VPS13A: variants seen among roughly 807,000 people sequenced by gnomAD.
The protein encoded by VPS13A is intermembrane lipid transfer protein VPS13A.
VPS13A carries 264 observed loss-of-function variants against 390.9 expected under a neutral mutation model. That is an observed-to-expected ratio of 0.68 (90% CI 0.61 to 0.75). The LOEUF is 0.75. VPS13A is among the 30% of genes least tolerant of loss of function. The pLI is 0.00. For missense variants in VPS13A, 3,409 were observed against 3,733.9 expected (o/e 0.91, Z 2.27); for synonymous variants, 1,231 against 1,227.1 (o/e 1.00, Z -0.07).
At chr9:77,254,890 G>T (rs1825350377) in intron 22 of VPS13A, among the ~76,000 whole-genome samples, 1 of 152,144 alleles carries the variant, frequency 6.6e-6, no homozygotes, top group Non-Finnish European at 1.5e-5. Flanking sequence ...GGATTCTAAA[G>T]TTCTAACAGA....
At chr9:77,178,807 G>C (rs1247594205) in intron 1 of VPS13A, among the ~76,000 whole-genome samples, 12 of 152,188 alleles carry the variant, frequency 7.9e-5, no homozygotes, top group Admixed American at 7.9e-4. Context: ...AATTTTGTGT[G>C]TGAAGTGTGT....
intron 13 of VPS13A, 138 bp downstream of exon 13, chr9:77,221,494 C>G (rs1187330708): frequency 1.2e-6 from 1 of 863,368 alleles, no homozygotes; most frequent in East Asian, 2.7e-5. Flanking sequence ...TTTTGTGCTT[C>G]TGTTCTTAAC....
intron 68 of VPS13A, among the ~76,000 whole-genome samples, chr9:77,394,771 AC>A (rs1458112818): frequency 1.3e-5 from 2 of 152,224 alleles, no homozygotes; most frequent in African/African-American, 2.4e-5. Context: ...CTGCATCAGC[AC>A]TTGCCCCTTC....
At chr9:77,361,155 C>G (rs1023346804) in intron 59 of VPS13A, among the ~76,000 whole-genome samples, 23 of 152,000 alleles carry the variant, frequency 1.5e-4, no homozygotes, top group African/African-American at 5.3e-4. Context: ...TACATTTCAC[C>G]CATTTAAAAG....
At chr9:77,243,665 T>C (rs886346591) in intron 19 of VPS13A, among the ~76,000 whole-genome samples, 2 of 152,204 alleles carry the variant, frequency 1.3e-5, no homozygotes, top group Non-Finnish European at 2.9e-5. Flanking sequence ...TTTAAATATA[T>C]ATCAAGAGCC....
chr9:77,349,804 C>T (rs945719915), intron 52 of VPS13A, among the ~76,000 whole-genome samples: 18 of 151,898 alleles, frequency 1.2e-4, no homozygotes, highest in African/African-American at 4.1e-4. Flanking sequence ...CCACTATGCC[C>T]GGCTAATTTT....
At position 77,318,289 on chromosome 9, in the gene VPS13A, A is replaced by G; in HGVS notation, c.5011A>G (p.Thr1671Ala). ...MITITSALYTTKETIPEETAS... is the reference protein window; with the variant it reads ...MITITSALYTAKETIPEETAS... ...TACCATAACTTCAGCACTGTATACAACTAAGGAAACCATCCCAGAAGAAAC... is the reference window on the plus strand; with the variant it reads ...TACCATAACTTCAGCACTGTATACAGCTAAGGAAACCATCCCAGAAGAAAC... Residue 1671 changes from threonine (T) to alanine (A), a missense_variant, in exon 41 of 72, where the codon ACT becomes GCT. This residue lies in a region of VPS13A where 2,717 missense variants were observed against 2,917.4 expected (regional missense o/e 0.93). Transcript: ENST00000360280. 1 of 1,609,656 alleles carries G rather than the reference A, an allele frequency of 6.2e-7. No individual in the cohort carries two copies. Among genetic ancestry groups the G allele is most frequent in the East Asian group, 2.2e-5 (1 of 44,834 alleles).
At chr9:77,220,200 A>G in intron 11 of VPS13A, 77 bp from the exon 12 acceptor site, 2 of 1,514,156 alleles carry the variant, frequency 1.3e-6, no homozygotes, top group South Asian at 2.4e-5. Context: ...CTAAAAAGTC[A>G]GTAATGTAAC....
chr9:77,189,117 T>G (rs546327790), intron 1 of VPS13A, among the ~76,000 whole-genome samples: 1 of 151,414 alleles, frequency 6.6e-6, no homozygotes, highest in African/African-American at 2.4e-5. Flanking sequence ...TTTAGTTTAA[T>G]TAGGTCCCAC....
chr9:77,375,009 G>T (rs937384102), intron 67 of VPS13A, among the ~76,000 whole-genome samples: 1 of 152,040 alleles, frequency 6.6e-6, no homozygotes, highest in African/African-American at 2.4e-5. Context: ...TAGAATTAAG[G>T]TGGGGGAAAA....
intron 31 of VPS13A, among the ~76,000 whole-genome samples, chr9:77,290,110 C>G (rs1827564434): frequency 1.3e-5 from 2 of 152,192 alleles, no homozygotes; most frequent in South Asian, 4.2e-4. Flanking sequence ...TGCAGGTCTG[C>G]CAGTAATGAC....
At chr9:77,232,821 A>G (rs1587381950) in intron 17 of VPS13A, among the ~76,000 whole-genome samples, 1 of 152,252 alleles carries the variant, frequency 6.6e-6, no homozygotes, top group South Asian at 2.1e-4. Flanking sequence ...CTCCCACGAC[A>G]TGGGGGAATT....
intron 67 of VPS13A, among the ~76,000 whole-genome samples, chr9:77,373,139 A>T (rs928141869): frequency 1.3e-5 from 2 of 152,002 alleles, no homozygotes; most frequent in African/African-American, 4.8e-5. Context: ...AAACTACTTT[A>T]AAGTTCATAT....
At chr9:77,240,478 G>GTTTTTTTTTTTTTTT (rs11351060) in intron 19 of VPS13A, among the ~76,000 whole-genome samples, 1 of 126,068 alleles carries the variant, frequency 7.9e-6, no homozygotes, top group Middle Eastern at 3.8e-3. Context: ...TTATGTTTTT[G>GTTTTTTTTTTTTTTT]TTTTTTTTTT....
intron 54 of VPS13A, among the ~76,000 whole-genome samples, chr9:77,355,369 C>G (rs1831717267): frequency 6.6e-6 from 1 of 152,194 alleles, no homozygotes; most frequent in Non-Finnish European, 1.5e-5. Flanking sequence ...CAGAATACCT[C>G]ACCATCTTGG....
rs776033610 is a variant in VPS13A at position 77,303,648 on chromosome 9, A to G, written c.3960+586A>G. On this transcript the variant is annotated intron_variant, in intron 34 of 71. Transcript: ENST00000360280. Reference sequence around the variant, plus strand: ...TTCAGCAAAAAGGAATGTAGTAGGAAAGCAGGGTGGTAATAAGGAGAAGGT... The same window carrying G: ...TTCAGCAAAAAGGAATGTAGTAGGAGAGCAGGGTGGTAATAAGGAGAAGGT... Among the ~76,000 whole-genome samples the G allele has an allele frequency of 6.6e-5, 10 of 152,286 alleles. No individual in the cohort carries two copies. The South Asian group carries it at 1.0e-3, about 16-fold the overall frequency.
At chr9:77,283,782 A>G in intron 31 of VPS13A, 132 bp downstream of exon 31, 3 of 718,406 alleles carry the variant, frequency 4.2e-6, no homozygotes, top group South Asian at 1.9e-5. Flanking sequence ...TTTTGGAGTC[A>G]GGCATAATTG....
At position 77,340,650 on chromosome 9, in the gene VPS13A, C is replaced by T. The variant is rs946429699; in HGVS notation, c.7026+100C>T. On this transcript the variant is annotated intron_variant, in intron 50 of 71. Coordinates refer to ENST00000360280, the MANE Select transcript of VPS13A (RefSeq NM_033305.3). Reference sequence around the variant, plus strand: ...ATGTAATGTTTTAACTCTCCCCTTACTCCAATTTTGTTTTAGTTTCATGAA... The same window carrying T: ...ATGTAATGTTTTAACTCTCCCCTTATTCCAATTTTGTTTTAGTTTCATGAA... 6 of 1,452,910 alleles carry T rather than the reference C, an allele frequency of 4.1e-6. No homozygotes were observed. In the African/African-American group the frequency reaches 5.7e-5, roughly 14 times the overall value. The allele number at this position is 1,452,910 out of a possible 1,614,324, so 90.0% of individuals were successfully genotyped here.
intron 67 of VPS13A, among the ~76,000 whole-genome samples, chr9:77,380,721 A>G (rs1833381838): frequency 2.0e-5 from 3 of 152,208 alleles, no homozygotes; most frequent in Non-Finnish European, 4.4e-5. Flanking sequence ...TTCATGGAAG[A>G]CAATTTTTCC....
Sources: gnomAD v4.1 joint callset for allele counts (sites outside exome capture counted in the v4.1 genomes callset) on GRCh38, gnomAD v4.1.1 for gene constraint, gnomAD v4.1.1 regional missense constraint, MANE v1.5 for transcripts, NCBI Gene and HGNC (gene_info 2026-07-23, HGNC 2026-07-21) for gene names.